The following SCAP variants were observed in gnomAD, a reference collection of about 807,000 sequenced individuals.
SCAP encodes the protein SREBF chaperone, also known as sterol regulatory element-binding protein cleavage-activating protein.
In SCAP, 65 loss-of-function variants were observed where a neutral mutation model predicts 123.6. The observed-to-expected ratio is 0.53, with a 90% CI of 0.43 to 0.65. SCAP has a LOEUF of 0.65. Ranked by LOEUF, SCAP falls within the 30% of genes least tolerant of loss-of-function variation. The pLI, the probability that SCAP is intolerant of heterozygous loss-of-function variation, is 0.00. For synonymous variants in SCAP, 740 were observed against 726.3 expected, an observed-to-expected ratio of 1.02 and a Z score of -0.30; for missense variants, 1,398 against 1,712.5, an observed-to-expected ratio of 0.82 and a Z score of 3.24.
chr3:47,454,900 G>A (rs1413508452), intron 1 of SCAP, among the ~76,000 whole-genome samples: 1 of 151,498 alleles, frequency 6.6e-6, no homozygotes, highest in Non-Finnish European at 1.5e-5. Context: ...TACAGGCTAT[G>A]CATTTAACCA....
At chr3:47,436,836 G>A (rs1559553333) in intron 2 of SCAP, among the ~76,000 whole-genome samples, 4 of 152,176 alleles carry the variant, frequency 2.6e-5, no homozygotes, top group Admixed American at 2.0e-4. Context: ...TCAGAAGGCA[G>A]CCTTGTGCCC....
chr3:47,452,302 T>C (rs1028632187), intron 1 of SCAP, among the ~76,000 whole-genome samples: 3 of 152,170 alleles, frequency 2.0e-5, no homozygotes, highest in African/African-American at 7.2e-5. Context: ...GGTGGGACAA[T>C]CCCTTGAGCC....
intron 2 of SCAP, among the ~76,000 whole-genome samples, chr3:47,440,048 G>C (rs1461200239): frequency 6.6e-6 from 1 of 152,192 alleles, no homozygotes; most frequent in Admixed American, 6.5e-5. Context: ...CTTTCCCTGG[G>C]GTGACCCAGT....
At chr3:47,415,256 G>A in intron 18 of SCAP, 76 bp from the exon 19 acceptor site, 3 of 1,358,486 alleles carry the variant, frequency 2.2e-6, no homozygotes, top group African/African-American at 1.5e-5. Context: ...GGACATGAGA[G>A]TTAAGGGCCA....
At chr3:47,426,990 G>A (rs1706161530) in intron 6 of SCAP, among the ~76,000 whole-genome samples, 167 bp downstream of exon 6, 1 of 152,094 alleles carries the variant, frequency 6.6e-6, no homozygotes, top group South Asian at 2.1e-4. Context: ...TTAAAATGTG[G>A]TAGACAGCAT....
At chr3:47,447,687 T>C (rs1426411477) in intron 1 of SCAP, among the ~76,000 whole-genome samples, 1 of 126,048 alleles carries the variant, frequency 7.9e-6, no homozygotes, top group Admixed American at 8.1e-5. Context: ...AGACTCTGAC[T>C]CAAAAAAAAA....
chr3:47,421,088 A>G (rs370170846), intron 10 of SCAP, 59 bp from the exon 11 acceptor site: 2 of 1,398,714 alleles, frequency 1.4e-6, no homozygotes, highest in East Asian at 2.3e-5. Flanking sequence ...CCAGCCCAAG[A>G]GGAGCAGTAC....
At chr3:47,418,979 G>T in intron 13 of SCAP, 136 bp from the exon 14 acceptor site, 1 of 998,390 alleles carries the variant, frequency 1.0e-6, no homozygotes, top group Non-Finnish European at 1.4e-6. Flanking sequence ...ATGGGGGGTT[G>T]GGGACAGAGG....
At chr3:47,466,056 C>T (rs972864245) in intron 1 of SCAP, among the ~76,000 whole-genome samples, 1 of 151,018 alleles carries the variant, frequency 6.6e-6, no homozygotes, top group African/African-American at 2.4e-5. Flanking sequence ...TCGCTTGAAC[C>T]CAGGAGGTGG....
At chr3:47,473,009 G>A (rs910355584) in intron 1 of SCAP, among the ~76,000 whole-genome samples, 42 of 147,034 alleles carry the variant, frequency 2.9e-4, no homozygotes, top group Admixed American at 8.6e-4. Flanking sequence ...GAACCTGGGA[G>A]GCGGAGGTTG....
chr3:47,443,291 CT>C, intron 1 of SCAP, 200 bp from the exon 2 acceptor site: 2 of 202,948 alleles, frequency 9.9e-6, no homozygotes, highest in Non-Finnish European at 1.0e-5. Flanking sequence ...CTCTCTCTCT[CT>C]CTCTCTCTCT....
At chr3:47,444,617 G>C (rs1018575060) in intron 1 of SCAP, among the ~76,000 whole-genome samples, 1 of 151,946 alleles carries the variant, frequency 6.6e-6, no homozygotes, top group Non-Finnish European at 1.5e-5. Flanking sequence ...GGGATTACAG[G>C]TGTGCACCAC....
At chr3:47,457,484 C>G (rs763077421) in intron 1 of SCAP, among the ~76,000 whole-genome samples, 5 of 152,166 alleles carry the variant, frequency 3.3e-5, no homozygotes, top group Non-Finnish European at 5.9e-5. Context: ...AGCACCTCAC[C>G]TGGTGCTGAG....
intron 2 of SCAP, among the ~76,000 whole-genome samples, chr3:47,441,295 C>T (rs1706796226): frequency 1.3e-5 from 2 of 152,010 alleles, no homozygotes; most frequent in Admixed American, 1.3e-4. Flanking sequence ...CATAATGAGA[C>T]CCCATCTCTA....
chr3:47,475,598 G>A (rs996394671), intron 1 of SCAP: 1 of 152,174 alleles, frequency 6.6e-6, no homozygotes, highest in Non-Finnish European at 1.5e-5. Context: ...GCAGGGACAC[G>A]GCCGGGTTGG....
At chr3:47,425,661 C>T (rs1330913079) in intron 7 of SCAP, 50 bp from the exon 8 acceptor site, 4 of 1,594,722 alleles carry the variant, frequency 2.5e-6, no homozygotes, top group Non-Finnish European at 3.4e-6. Flanking sequence ...CAGCCCCCGG[C>T]CCACTGGGGC....
intron 1 of SCAP, among the ~76,000 whole-genome samples, chr3:47,446,876 T>C (rs554351785): frequency 1.3e-5 from 2 of 152,034 alleles, no homozygotes; most frequent in Non-Finnish European, 2.9e-5. Flanking sequence ...CCAAAGAGTT[T>C]GAGGCTGCAA....
chr3:47,417,816 G>A lies in SCAP; in HGVS notation c.2458C>T (p.Arg820Trp), dbSNP rs768531247. Residue 820 changes from arginine to tryptophan, a missense_variant, in exon 17 of 23, where the codon CGG becomes TGG. Physicochemically the swap from Arg to Trp is moderately radical, Grantham distance 101. This residue lies in a region of SCAP where 828 missense variants were observed against 882.5 expected (regional missense o/e 0.94). Transcript: ENST00000265565. ...TRIPRPGRQR[R>W]DSGVGSGLEA... ...AGCCCGCTGCCCACGCCACTGTCCC[G>A]GCGCTGCCTGCTGGGGGCCAGGAGG... 3.8e-5 allele frequency: 57 copies of A among 1,501,358 alleles called. No homozygotes were observed. Among genetic ancestry groups the A allele is most frequent in the South Asian group, 1.6e-4 (14 of 85,292 alleles). The allele number at this position is 1,501,358 out of a possible 1,614,324, so 93.0% of individuals were successfully genotyped here.
chr3:47,467,600 C>T (rs868022453), intron 1 of SCAP, among the ~76,000 whole-genome samples: 7 of 150,336 alleles, frequency 4.7e-5, no homozygotes, highest in Middle Eastern at 3.4e-3. Flanking sequence ...AAGACCCCGT[C>T]TCAAGAAAAA....
Sources: gnomAD v4.1 joint callset for allele counts (sites outside exome capture counted in the v4.1 genomes callset) on GRCh38, gnomAD v4.1.1 for gene constraint, gnomAD v4.1.1 regional missense constraint, MANE v1.5 for transcripts, NCBI Gene and HGNC (gene_info 2026-07-23, HGNC 2026-07-21) for gene names.